The following CCDC85A variants were observed in gnomAD, a reference collection of about 807,000 sequenced individuals.
CCDC85A encodes coiled-coil domain-containing protein 85A.
CCDC85A carries 38 observed loss-of-function variants against 50.2 expected under a neutral mutation model. The observed-to-expected ratio is 0.76, with a 90% CI of 0.58 to 0.99. The LOEUF (loss-of-function observed/expected upper bound fraction) is 0.99, where lower values mean the gene tolerates loss of function less well. CCDC85A is among the 50% of genes least tolerant of loss of function. The probability of loss-of-function intolerance (pLI) is 0.00; values close to 1 mark genes in which losing one functional copy is unlikely to be tolerated. For synonymous variants in CCDC85A, 366 were observed against 301.4 expected (o/e 1.21, Z -2.22); for missense variants, 820 against 742.0 (o/e 1.11, Z -1.22).
At chr2:56,215,609 G>GT (rs11393068) in intron 2 of CCDC85A, among the ~76,000 whole-genome samples, 125,378 of 148,780 alleles carry the variant, frequency 0.84, 52,868 homozygotes, top group African/African-American at 0.85. Context: ...CAAACTGGAT[G>GT]TGGATTTTGT....
intron 2 of CCDC85A, among the ~76,000 whole-genome samples, chr2:56,266,133 G>C (rs1670428530): frequency 6.6e-6 from 1 of 152,196 alleles, no homozygotes; most frequent in Non-Finnish European, 1.5e-5. Context: ...CAAAGGCTAG[G>C]GGAGTGAGAG....
intron 2 of CCDC85A, among the ~76,000 whole-genome samples, chr2:56,284,647 A>C (rs937175350): frequency 6.6e-6 from 1 of 152,250 alleles, no homozygotes; most frequent in Non-Finnish European, 1.5e-5. Flanking sequence ...TGCCAGGATT[A>C]CAGGCGTGAG....
intron 2 of CCDC85A, among the ~76,000 whole-genome samples, chr2:56,335,898 C>A (rs1674049009): frequency 6.6e-6 from 1 of 152,060 alleles, no homozygotes; most frequent in Non-Finnish European, 1.5e-5. Context: ...CTGCGCCTGA[C>A]CCAAACTCAT....
chr2:56,336,656 C>G (rs988475727), intron 2 of CCDC85A, among the ~76,000 whole-genome samples: 1 of 152,218 alleles, frequency 6.6e-6, no homozygotes, highest in East Asian at 1.9e-4. Flanking sequence ...TGGGTGATTT[C>G]AAGGATAGGT....
At chr2:56,268,523 A>G (rs1292437079) in intron 2 of CCDC85A, among the ~76,000 whole-genome samples, 1 of 148,282 alleles carries the variant, frequency 6.7e-6, no homozygotes, top group Non-Finnish European at 1.5e-5. Context: ...TGAACCTGGG[A>G]GGCGGAGGTT....
chr2:56,357,625 G>A (rs1420889752), intron 3 of CCDC85A, among the ~76,000 whole-genome samples: 3 of 145,166 alleles, frequency 2.1e-5, no homozygotes, highest in Non-Finnish European at 4.5e-5. Context: ...AAGGGACATT[G>A]TAGGTCATGG....
chr2:56,198,333 T>TA (rs756989616), intron 2 of CCDC85A, among the ~76,000 whole-genome samples: 1 of 152,240 alleles, frequency 6.6e-6, no homozygotes, highest in Non-Finnish European at 1.5e-5. Flanking sequence ...TTTTAACAGT[T>TA]ACAGTTATGG....
At chr2:56,301,435 A>G (rs1398153333) in intron 2 of CCDC85A, among the ~76,000 whole-genome samples, 4 of 152,146 alleles carry the variant, frequency 2.6e-5, no homozygotes. Context: ...TCTCAATCGT[A>G]ATTTTTTGAG....
chr2:56,240,361 T>G (rs750491050), intron 2 of CCDC85A, among the ~76,000 whole-genome samples: 2 of 152,192 alleles, frequency 1.3e-5, no homozygotes, highest in Non-Finnish European at 2.9e-5. Flanking sequence ...AGAGGGTATT[T>G]AAACCCCAGA....
intron 2 of CCDC85A, among the ~76,000 whole-genome samples, chr2:56,195,759 T>G (rs1676497252): frequency 6.6e-6 from 1 of 152,206 alleles, no homozygotes; most frequent in Admixed American, 6.5e-5. Flanking sequence ...GCTGACTCAT[T>G]TCCAGAGTCA....
chr2:56,370,661 T>C (rs913570836), intron 3 of CCDC85A, among the ~76,000 whole-genome samples: 1 of 152,152 alleles, frequency 6.6e-6, no homozygotes, highest in African/African-American at 2.4e-5. Flanking sequence ...GAAATTATTG[T>C]GAGTTCTCTA....
At chr2:56,200,122 C>T (rs1457937591) in intron 2 of CCDC85A, among the ~76,000 whole-genome samples, 1 of 152,198 alleles carries the variant, frequency 6.6e-6, no homozygotes, top group East Asian at 1.9e-4. Context: ...CTGCCTCTGC[C>T]TCCCAAAGTG....
At chr2:56,369,763 C>A (rs1449133888) in intron 3 of CCDC85A, among the ~76,000 whole-genome samples, 2 of 151,982 alleles carry the variant, frequency 1.3e-5, no homozygotes, top group Non-Finnish European at 2.9e-5. Context: ...TTCCCATTTC[C>A]CCCTTTTTCT....
intron 2 of CCDC85A, among the ~76,000 whole-genome samples, chr2:56,261,134 A>G (rs563660450): frequency 6.6e-6 from 1 of 152,330 alleles, no homozygotes; most frequent in South Asian, 2.1e-4. Context: ...CTCTTGGAGA[A>G]GCAACTTTCT....
chr2:56,234,937 T>A (rs914896291), intron 2 of CCDC85A, among the ~76,000 whole-genome samples: 1 of 152,230 alleles, frequency 6.6e-6, no homozygotes, highest in Admixed American at 6.5e-5. Context: ...ATGTTCCATG[T>A]AGCTATAAGC....
chr2:56,219,903 A>G (rs763345), intron 2 of CCDC85A, among the ~76,000 whole-genome samples: 57,339 of 151,844 alleles, frequency 0.38, 12,387 homozygotes, highest in East Asian at 0.6. Context: ...AGTAGAAACG[A>G]CAGAGCCAGA....
At chr2:56,242,472 G>A (rs1390647653) in intron 2 of CCDC85A, among the ~76,000 whole-genome samples, 1 of 151,958 alleles carries the variant, frequency 6.6e-6, no homozygotes. Flanking sequence ...AAAGTTGATG[G>A]GGGAGATGCT....
At chr2:56,355,379 A>G (rs1675171076) in intron 3 of CCDC85A, among the ~76,000 whole-genome samples, 1 of 152,158 alleles carries the variant, frequency 6.6e-6, no homozygotes, top group Admixed American at 6.5e-5. Context: ...AAAGCACTGT[A>G]TTCTTCTTAA....
intron 3 of CCDC85A, among the ~76,000 whole-genome samples, chr2:56,359,809 A>C (rs1675431445): frequency 6.6e-6 from 1 of 152,178 alleles, no homozygotes; most frequent in Non-Finnish European, 1.5e-5. Flanking sequence ...TCTTTGTCAT[A>C]TATGTGGGTT....
Sources: allele counts gnomAD v4.1 joint callset (sites outside exome capture counted in the v4.1 genomes callset), GRCh38; gene constraint gnomAD v4.1.1; transcripts MANE v1.5; gene names NCBI Gene and HGNC (gene_info 2026-07-23, HGNC 2026-07-21).